TRPM3: variants seen among roughly 807,000 people sequenced by gnomAD.
TRPM3 encodes the protein transient receptor potential cation channel subfamily M member 3, also known as long transient receptor potential channel 3.
A neutral mutation model predicts 181.2 loss-of-function variants in TRPM3; 77 were observed. The ratio of observed to expected loss-of-function variants is 0.42; its 90% confidence interval spans 0.35 to 0.51. The LOEUF (loss-of-function observed/expected upper bound fraction) is 0.51. Among genes scored for constraint, TRPM3 ranks in the 20% least tolerant of loss-of-function variants. The pLI, the probability that TRPM3 is intolerant of heterozygous loss-of-function variation, is 0.01. For missense variants in TRPM3, 1,759 were observed against 2,196.7 expected, an observed-to-expected ratio of 0.80 and a Z score of 3.98; for synonymous variants, 745 against 796.4, an observed-to-expected ratio of 0.94 and a Z score of 1.09.
In TRPM3 at chr9:71,256,247, C is replaced by A. The variant is rs1401004884; in HGVS notation, c.183+190406G>T. Among the ~76,000 whole-genome samples, 3 of 152,154 alleles carry A rather than the reference C, an allele frequency of 2.0e-5. No individual in the cohort carries two copies. In the East Asian group the frequency reaches 5.8e-4, roughly 29 times the overall value. On this transcript the variant is annotated intron_variant, in intron 1 of 24. Coordinates refer to the TRPM3 transcript ENST00000357533. The stretch of plus-strand genomic sequence containing the variant: ...AATGGTTTCATGGCTGAAGTCACTG[C>A]GTATTAATGAGTAAATACAGCCTTG...
Position 70,640,585 on chromosome 9 carries a change from A to G in TRPM3, c.1421T>C (p.Ile474Thr). The G allele has an allele frequency of 6.2e-7, 1 of 1,613,636 alleles. No homozygotes were observed. Among genetic ancestry groups the G allele is most frequent in the Non-Finnish European group, 8.5e-7 (1 of 1,179,782 alleles). The change falls in exon 10 of 26, where the codon ATC (isoleucine) becomes ACC (threonine). Residue 474 changes from isoleucine (I) to threonine (T), a missense_variant. This residue lies in a region of TRPM3 where 737 missense variants were observed against 957.4 expected (regional missense o/e 0.77). Coordinates refer to ENST00000677713, the MANE Select transcript of TRPM3 (RefSeq NM_001366145.2). ...CGGCCACTGTTGCCCGTAAATAAAG[A>G]TCTGGCTGCGAGCGATGTCGACTCT... ...WNRVDIARSQIFIYGQQWPVG... is the reference protein window; with the variant it reads ...WNRVDIARSQTFIYGQQWPVG...
In TRPM3 at chr9:70,754,071, G is replaced by A. The variant is rs147495228; in HGVS notation, c.1272+7530C>T. ...AGCAAATGTACTGCCCCAGTCTGGG[G>A]TTGGTGGTTTGGCAGTGGCGATAGA... On this transcript the variant is annotated intron_variant, in intron 8 of 25. Coordinates refer to ENST00000677713, the MANE Select transcript of TRPM3 (RefSeq NM_001366145.2). 3.9e-5 allele frequency among the ~76,000 whole-genome samples: 6 copies of A among 152,292 alleles called. No homozygotes were observed. In the East Asian group the frequency reaches 1.2e-3, roughly 29 times the overall value.
chr9:71,279,399 T>C (rs1339456571), intron 1 of TRPM3, among the ~76,000 whole-genome samples: 1 of 152,234 alleles, frequency 6.6e-6, no homozygotes, highest in Non-Finnish European at 1.5e-5. Context: ...GTTAAATATT[T>C]GTCCATCTGG....
chr9:70,633,203 T>G (rs2066218704), intron 12 of TRPM3, among the ~76,000 whole-genome samples: 1 of 152,160 alleles, frequency 6.6e-6, no homozygotes, highest in Non-Finnish European at 1.5e-5. Flanking sequence ...GAGAGAATAC[T>G]CCAAGTCATT....
At chr9:71,005,300 G>C (rs1438994313) in intron 1 of TRPM3, among the ~76,000 whole-genome samples, 1 of 152,102 alleles carries the variant, frequency 6.6e-6, no homozygotes, top group Non-Finnish European at 1.5e-5. Flanking sequence ...CAGCTACTTG[G>C]GAGGCTGAGG....
chr9:70,956,922 T>C (rs939947083), intron 1 of TRPM3, among the ~76,000 whole-genome samples: 1 of 151,076 alleles, frequency 6.6e-6, no homozygotes, highest in African/African-American at 2.4e-5. Context: ...AATTTTGACA[T>C]TTAAAAAAAA....
At chr9:70,680,456 C>A (rs1393823091) in intron 9 of TRPM3, among the ~76,000 whole-genome samples, 1 of 152,130 alleles carries the variant, frequency 6.6e-6, no homozygotes, top group Non-Finnish European at 1.5e-5. Flanking sequence ...CTGAATCTAT[C>A]ACTGAATCAT....
At chr9:70,940,924 A>G (rs1589941966) in intron 1 of TRPM3, among the ~76,000 whole-genome samples, 1 of 152,392 alleles carries the variant, frequency 6.6e-6, no homozygotes, top group South Asian at 2.1e-4. Flanking sequence ...ATGTATTTGC[A>G]GCTGAAGTAT....
At chr9:71,025,116 T>C (rs2097883442) in intron 1 of TRPM3, among the ~76,000 whole-genome samples, 1 of 152,260 alleles carries the variant, frequency 6.6e-6, no homozygotes, top group Non-Finnish European at 1.5e-5. Flanking sequence ...GCAATGTATT[T>C]ATTTCTTACC....
intron 1 of TRPM3, among the ~76,000 whole-genome samples, chr9:71,043,452 T>C (rs964895329): frequency 1.3e-5 from 2 of 152,162 alleles, no homozygotes; most frequent in African/African-American, 4.8e-5. Flanking sequence ...CCTGAGTACA[T>C]AAAATATAAA....
intron 25 of TRPM3, among the ~76,000 whole-genome samples, chr9:70,548,701 C>T (rs1020388914): frequency 6.6e-6 from 1 of 152,162 alleles, no homozygotes; most frequent in African/African-American, 2.4e-5. Flanking sequence ...AACAGTGGTT[C>T]CCAAATGCTA....
intron 1 of TRPM3, among the ~76,000 whole-genome samples, chr9:71,069,649 C>T (rs1399686458): frequency 6.9e-6 from 1 of 144,470 alleles, no homozygotes; most frequent in East Asian, 2.1e-4. Context: ...CACTCTGTTG[C>T]CCAGGCTGGA....
intron 1 of TRPM3, among the ~76,000 whole-genome samples, chr9:71,097,115 A>T: frequency 6.6e-6 from 1 of 152,104 alleles, no homozygotes; most frequent in East Asian, 1.9e-4. Flanking sequence ...AGACTCTAGG[A>T]TGGGTTGCTT....
intron 22 of TRPM3, among the ~76,000 whole-genome samples, chr9:70,565,938 AC>A (rs932507090): frequency 1.5e-4 from 23 of 152,280 alleles, no homozygotes; most frequent in Non-Finnish European, 7.4e-5. Context: ...TGATGATGAC[AC>A]ATTTCCAGCT....
At chr9:70,924,306 C>T (rs910877825) in intron 1 of TRPM3, among the ~76,000 whole-genome samples, 8 of 152,100 alleles carry the variant, frequency 5.3e-5, no homozygotes, top group Non-Finnish European at 5.9e-5. Context: ...TATAGTCACA[C>T]TGGTCATCTA....
At chr9:70,783,965 G>A in intron 7 of TRPM3, 140 bp downstream of exon 7, 2 of 1,443,546 alleles carry the variant, frequency 1.4e-6, no homozygotes, top group East Asian at 4.9e-5. Context: ...GCCCTCCCAT[G>A]ACAGACATTT....
chr9:70,601,291 C>G lies in TRPM3; in HGVS notation c.2796+2051G>C, dbSNP rs535046513. ...ACAGTGCCATGCTATTAAGGGATTA[C>G]CGGGGCTTGCTTTGGTGACTCCGGG... On this transcript the variant is annotated intron_variant, in intron 20 of 25. Coordinates refer to ENST00000677713, the MANE Select transcript of TRPM3 (RefSeq NM_001366145.2). Among the ~76,000 whole-genome samples the G allele has an allele frequency of 2.2e-4, 33 of 152,276 alleles. No individual in the cohort carries two copies. In the South Asian group the frequency reaches 6.8e-3, roughly 32 times the overall value.
chr9:71,288,208 C>G (rs573266844), intron 1 of TRPM3, among the ~76,000 whole-genome samples: 3 of 151,176 alleles, frequency 2.0e-5, no homozygotes, highest in Admixed American at 2.0e-4. Context: ...TATTTAATAT[C>G]ATAATTATGA....
At chr9:71,370,110 A>T (rs2132790977) in intron 1 of TRPM3, among the ~76,000 whole-genome samples, 1 of 152,234 alleles carries the variant, frequency 6.6e-6, no homozygotes. Flanking sequence ...TTCATCTATC[A>T]GCCATTCCTG....
Sources: gnomAD v4.1 joint callset for allele counts (sites outside exome capture counted in the v4.1 genomes callset) on GRCh38, gnomAD v4.1.1 for gene constraint, gnomAD v4.1.1 regional missense constraint, MANE v1.5 for transcripts, NCBI Gene and HGNC (gene_info 2026-07-23, HGNC 2026-07-21) for gene names.